The following RUNX3 variants were observed in gnomAD, a reference collection of about 807,000 sequenced individuals.
The protein encoded by RUNX3 is runt-related transcription factor 3.
A neutral mutation model predicts 27.7 loss-of-function variants in RUNX3; 10 were observed. That is an observed-to-expected ratio of 0.36 (90% CI 0.22 to 0.61). The LOEUF is 0.61. Among genes scored for constraint, RUNX3 ranks in the 20% least tolerant of loss-of-function variants. The probability of loss-of-function intolerance (pLI) is 0.72; values close to 1 mark genes in which losing one functional copy is unlikely to be tolerated. For missense variants in RUNX3, 469 were observed against 629.5 expected (o/e 0.75, Z 2.73); for synonymous variants, 270 against 269.2 (o/e 1.00, Z -0.03).
chr1:24,903,514 A>T (rs924559348), intron 4 of RUNX3, among the ~76,000 whole-genome samples: 8 of 152,190 alleles, frequency 5.3e-5, no homozygotes, highest in African/African-American at 1.9e-4. Flanking sequence ...TGGCTTCTCA[A>T]TGGGCTCCAA....
chr1:24,939,384 T>C (rs570850127), intron 2 of RUNX3, among the ~76,000 whole-genome samples: 1 of 152,238 alleles, frequency 6.6e-6, no homozygotes, highest in Non-Finnish European at 1.5e-5. Context: ...TGTGCAAAGA[T>C]GCTCCTAGGA....
intron 2 of RUNX3, among the ~76,000 whole-genome samples, chr1:24,959,696 C>T (rs988658879): frequency 6.6e-6 from 1 of 152,220 alleles, no homozygotes; most frequent in Non-Finnish European, 1.5e-5. Flanking sequence ...AGCCTCCTCC[C>T]TGTCCGGTGA....
At chr1:24,960,672 G>T (rs113363028) in intron 2 of RUNX3, among the ~76,000 whole-genome samples, 1 of 152,142 alleles carries the variant, frequency 6.6e-6, no homozygotes, top group Non-Finnish European at 1.5e-5. Context: ...TGGTGTGAGG[G>T]GGGGGTGCCC....
chr1:24,964,691 G>A lies in RUNX3; in HGVS notation c.-97-23C>T, dbSNP rs376842266. ...CTACTTTTGAAAATAAAAGGGGGGGGTGTTGCTTTTTGTTGTTTTTTGTTT... is the reference window on the plus strand; with the variant it reads ...CTACTTTTGAAAATAAAAGGGGGGGATGTTGCTTTTTGTTGTTTTTTGTTT... On this transcript the variant is annotated intron_variant, in intron 1 of 6. Transcript: ENST00000338888. The A allele has an allele frequency of 7.3e-6, 11 of 1,506,058 alleles. No individual in the cohort carries two copies. The African/African-American group carries it at 9.9e-5, about 14-fold the overall frequency. The allele number at this position is 1,506,058 out of a possible 1,614,324, so 93.3% of individuals were successfully genotyped here.
At chr1:24,917,476 C>T (rs984491168) in intron 3 of RUNX3, among the ~76,000 whole-genome samples, 4 of 152,118 alleles carry the variant, frequency 2.6e-5, no homozygotes, top group Non-Finnish European at 4.4e-5. Context: ...GCTACGGCCA[C>T]GTGCTGTCCA....
At chr1:24,963,054 C>G (rs1379143020) in intron 2 of RUNX3, 1 of 152,276 alleles carries the variant, frequency 6.6e-6, no homozygotes, top group Non-Finnish European at 1.5e-5. Flanking sequence ...AGCCACAGCT[C>G]TCAGCTCTCA....
rs1640632110 is a variant in RUNX3 at position 24,904,830 on chromosome 1, C to A, written c.704-2164G>T. On this transcript the variant is annotated intron_variant, in intron 4 of 4. Coordinates refer to ENST00000308873, the MANE Select transcript of RUNX3 (RefSeq NM_004350.3). This position sits in a 1 kb window ranked among gnomAD's most constrained non-coding sequence, Gnocchi z 5.7. Reference sequence around the variant, plus strand: ...TACCTGCCCTCAGCACTCCCTCAGACCCCCCAGCAGCTTCCTTGGAGCTCC... The same window carrying A: ...TACCTGCCCTCAGCACTCCCTCAGAACCCCCAGCAGCTTCCTTGGAGCTCC... 1.3e-5 allele frequency among the ~76,000 whole-genome samples: 2 copies of A among 152,166 alleles called. 1 individual carries two copies. The highest frequency in any genetic ancestry group is 4.1e-4 in the South Asian group (2 of 4,832).
chr1:24,919,883 GT>G (rs577677713), intron 2 of RUNX3, among the ~76,000 whole-genome samples: 27 of 146,768 alleles, frequency 1.8e-4, no homozygotes, highest in East Asian at 4.0e-4. Flanking sequence ...TTTTCATACT[GT>G]TTTTTTTTTC....
intron 2 of RUNX3, among the ~76,000 whole-genome samples, chr1:24,948,477 A>G (rs1641670170): frequency 6.6e-6 from 1 of 152,138 alleles, no homozygotes; most frequent in African/African-American, 2.4e-5. Context: ...GCACACCCGC[A>G]GGTCTTACCA....
Position 24,917,000 on chromosome 1 carries a change from A to C in RUNX3, c.544+2240T>G, listed in dbSNP as rs1324709083. 6.6e-6 allele frequency among the ~76,000 whole-genome samples: 1 copy of C among 152,124 alleles called. No individual in the cohort carries two copies. Among genetic ancestry groups the C allele is most frequent in the Non-Finnish European group, 1.5e-5 (1 of 68,016 alleles). The stretch of plus-strand genomic sequence containing the variant: ...AAGAGCAGGCAGGGGATTCTGCTGG[A>C]ATCTCCCACAGGCAGGGCTGAGTCT... On this transcript the variant is annotated intron_variant, in intron 3 of 4. Transcript: ENST00000308873. The surrounding 1 kb of genome is among the most constrained non-coding windows in gnomAD (Gnocchi z 4.8).
intron 4 of RUNX3, among the ~76,000 whole-genome samples, chr1:24,905,577 C>T (rs1488140686): frequency 6.6e-6 from 1 of 152,238 alleles, no homozygotes; most frequent in African/African-American, 2.4e-5. Context: ...CCTCCCAGCC[C>T]AGGATGGAAG....
intron 4 of RUNX3, among the ~76,000 whole-genome samples, chr1:24,905,872 C>T (rs781457294): frequency 9.8e-5 from 15 of 152,370 alleles, no homozygotes; most frequent in Admixed American, 2.6e-4. Flanking sequence ...GTGAGCACAG[C>T]GTGCAGGGCT....
intron 2 of RUNX3, among the ~76,000 whole-genome samples, chr1:24,939,018 C>G (rs900518004): frequency 6.6e-6 from 1 of 152,170 alleles, no homozygotes; most frequent in Admixed American, 6.5e-5. Flanking sequence ...TGGCAGCAAC[C>G]CTTTTCTCCC....
At chr1:24,929,283 G>T in intron 1 of RUNX3, 1 of 627,316 alleles carries the variant, frequency 1.6e-6, no homozygotes, top group Non-Finnish European at 3.0e-6. Context: ...GTATCTGAGC[G>T]ATCCGGGTTA....
At position 24,923,807 on chromosome 1, in the gene RUNX3, A is replaced by C. The variant is rs1317283745; in HGVS notation, c.439+3767T>G. On this transcript the variant is annotated intron_variant, in intron 2 of 4. Transcript: ENST00000308873. The surrounding 1 kb of genome is among the most constrained non-coding windows in gnomAD (Gnocchi z 5.9). The stretch of plus-strand genomic sequence containing the variant: ...CCCTCAGCCTGCACCGGCACACTGC[A>C]CCCCGAATCTCTGTCGACACACAGT... Among the ~76,000 whole-genome samples the C allele has an allele frequency of 2.6e-5, 4 of 152,146 alleles. No homozygotes were observed. The highest frequency in any genetic ancestry group is 9.7e-5 in the African/African-American group (4 of 41,432).
At chr1:24,919,397 T>C (rs1640951413) in intron 2 of RUNX3, 53 bp from the exon 3 acceptor site, 1 of 1,173,990 alleles carries the variant, frequency 8.5e-7, no homozygotes, top group Non-Finnish European at 1.3e-6. Flanking sequence ...GCTTCCACAA[T>C]ACCCTGCTCT....
At chr1:24,932,779 C>G (rs529998430), upstream of RUNX3, among the ~76,000 whole-genome samples, 11 of 152,314 alleles carry the variant, frequency 7.2e-5, no homozygotes, top group East Asian at 2.1e-3. Context: ...TGCAGACACC[C>G]TCGCCCTTCC....
At position 24,929,959 on chromosome 1, in the gene RUNX3, G is replaced by C; in HGVS notation, c.-91C>G. ...GGGCGCCTCCTCGGCCGCCGCTGCC[G>C]CGAGAAGCGGGAAAGCAGAAGCGGC... On this transcript the variant is annotated 5_prime_UTR_variant, in exon 1 of 5. Transcript: ENST00000308873. 3.3e-6 allele frequency: 4 copies of C among 1,201,828 alleles called. No individual in the cohort carries two copies. The highest frequency in any genetic ancestry group is 4.1e-6 in the Non-Finnish European group (4 of 970,298). The allele number at this position is 1,201,828 out of a possible 1,614,324, so 74.4% of individuals were successfully genotyped here.
chr1:24,930,296 C>A, upstream of RUNX3: 2 of 956,572 alleles, frequency 2.1e-6, no homozygotes, highest in East Asian at 1.2e-4. The surrounding 1 kb of genome is among the most constrained non-coding windows in gnomAD (Gnocchi z 4.1). Flanking sequence ...GCCGCCCGCG[C>A]GGGGTTAGTA....
Sources: gnomAD v4.1 joint callset for allele counts (sites outside exome capture counted in the v4.1 genomes callset) on GRCh38, gnomAD v4.1.1 for gene constraint, Gnocchi (gnomAD v3.1) non-coding constraint, MANE v1.5 for transcripts, NCBI Gene and HGNC (gene_info 2026-07-23, HGNC 2026-07-21) for gene names.